TMEM161B: variants seen among roughly 807,000 people sequenced by gnomAD.
TMEM161B encodes transmembrane protein 161B.
TMEM161B carries 34 observed loss-of-function variants against 61.8 expected under a neutral mutation model. That is an observed-to-expected ratio of 0.55 (90% CI 0.42 to 0.73). TMEM161B has a LOEUF of 0.73. Among genes scored for constraint, TMEM161B ranks in the 30% least tolerant of loss-of-function variants. TMEM161B has a pLI of 0.00. For missense variants in TMEM161B, 456 were observed against 558.5 expected, an observed-to-expected ratio of 0.82 and a Z score of 1.85; for synonymous variants, 167 against 192.8, an observed-to-expected ratio of 0.87 and a Z score of 1.11.
chr5:88,223,494 G>T (rs900725813), intron 4 of TMEM161B, among the ~76,000 whole-genome samples: 5 of 152,244 alleles, frequency 3.3e-5, no homozygotes, highest in African/African-American at 1.2e-4. Context: ...TGAAACAAAT[G>T]TGACAACTAC....
chr5:88,188,195 C>A (rs1192765702), downstream of TMEM161B, among the ~76,000 whole-genome samples: 1 of 151,976 alleles, frequency 6.6e-6, no homozygotes, highest in Non-Finnish European at 1.5e-5. Flanking sequence ...ACCTCCGCCT[C>A]CCAGGTTCAA....
At chr5:88,249,081 T>C (rs1753997753) in intron 1 of TMEM161B, among the ~76,000 whole-genome samples, 1 of 152,120 alleles carries the variant, frequency 6.6e-6, no homozygotes, top group Non-Finnish European at 1.5e-5. Flanking sequence ...AACTCACATT[T>C]AGGTCTGGCC....
At chr5:88,209,589 C>T (rs1241823377) in intron 5 of TMEM161B, among the ~76,000 whole-genome samples, 2 of 152,188 alleles carry the variant, frequency 1.3e-5, no homozygotes, top group African/African-American at 2.4e-5. Context: ...TAATACTTTA[C>T]AGTCCCACAC....
chr5:88,241,494 T>C (rs899818938), intron 1 of TMEM161B, among the ~76,000 whole-genome samples: 1 of 151,890 alleles, frequency 6.6e-6, no homozygotes, highest in African/African-American at 2.4e-5. Flanking sequence ...GATTTCTTCA[T>C]CCTTCTCCAA....
At chr5:88,261,420 A>G (rs1755668588) in intron 1 of TMEM161B, among the ~76,000 whole-genome samples, 1 of 152,084 alleles carries the variant, frequency 6.6e-6, no homozygotes, top group African/African-American at 2.4e-5. Flanking sequence ...AAAGAAAAGA[A>G]AAGAAAGAAA....
intron 7 of TMEM161B, 50 bp from the exon 8 acceptor site, chr5:88,206,004 T>C (rs1261381949): frequency 7.3e-7 from 1 of 1,363,632 alleles, no homozygotes; most frequent in Non-Finnish European, 1.0e-6. Context: ...AATTAGCTTT[T>C]GAAGAATTTC....
chr5:88,220,653 A>G lies in TMEM161B; in HGVS notation c.356T>C (p.Leu119Pro), dbSNP rs1037271044. The change falls in exon 5 of 12, where the codon CTA becomes CCA. Residue 119 changes from leucine (L) to proline (P), a missense_variant. By Grantham distance (98) the Leu-to-Pro change is moderately conservative. Transcript: ENST00000296595. ...AAAATTGTAGTAGACTTCAGTTACT[A>G]GATACACAACTGTAGCAGCCACTGT... ...DFTVAATVVY[L>P]VTEVYYNFMK... The G allele has an allele frequency of 1.3e-6, 2 of 1,578,148 alleles. No individual in the cohort carries two copies. The highest frequency in any genetic ancestry group is 1.4e-5 in the African/African-American group (1 of 72,874).
intron 8 of TMEM161B, among the ~76,000 whole-genome samples, chr5:88,204,154 T>C (rs1744997468): frequency 6.6e-6 from 1 of 151,924 alleles, no homozygotes. Context: ...GAACTCCCGC[T>C]CTAACCTCTG....
downstream of TMEM161B, among the ~76,000 whole-genome samples, chr5:88,188,194 TC>T (rs1408443131): frequency 6.6e-6 from 1 of 152,076 alleles, no homozygotes; most frequent in Non-Finnish European, 1.5e-5. Flanking sequence ...AACCTCCGCC[TC>T]CCAGGTTCAA....
intron 10 of TMEM161B, chr5:88,198,749 C>T: frequency 2.3e-6 from 1 of 443,880 alleles, no homozygotes; most frequent in East Asian, 3.7e-5. Context: ...TTTGTACCAC[C>T]CACTGTATGA....
At chr5:88,209,786 C>T (rs1242085240) in intron 5 of TMEM161B, among the ~76,000 whole-genome samples, 3 of 152,204 alleles carry the variant, frequency 2.0e-5, no homozygotes, top group Non-Finnish European at 2.9e-5. Context: ...CAAATCTCCA[C>T]CTCAATCAGA....
chr5:88,234,263 T>C (rs1177888567), intron 2 of TMEM161B, among the ~76,000 whole-genome samples: 1 of 152,158 alleles, frequency 6.6e-6, no homozygotes, highest in East Asian at 1.9e-4. Context: ...TGTGGTTTGG[T>C]AGTATACAGA....
chr5:88,204,971 A>C (rs1010534041), intron 8 of TMEM161B, among the ~76,000 whole-genome samples: 1 of 150,272 alleles, frequency 6.7e-6, no homozygotes, highest in Non-Finnish European at 1.5e-5. Flanking sequence ...AATGTTAGGA[A>C]ATAAGATTAC....
chr5:88,206,297 A>T lies in TMEM161B; in HGVS notation c.659+142T>A, dbSNP rs1027487178. The T allele has an allele frequency of 1.4e-5, 10 of 698,710 alleles. No homozygotes were observed. The African/African-American group carries it at 1.8e-4, about 13-fold the overall frequency. The allele number at this position is 698,710 out of a possible 1,614,324, so 43.3% of individuals were successfully genotyped here. On this transcript the variant is annotated intron_variant, in intron 7 of 11. Coordinates refer to ENST00000296595, the MANE Select transcript of TMEM161B (RefSeq NM_153354.5). ...ACACTAACTTTATATAGTCATAAAA[A>T]TTATGAGTAAGGATGTTTCTAGAAG... is the stretch of plus-strand genomic sequence containing the variant.
At chr5:88,189,228 T>A (rs946894899), downstream of TMEM161B, among the ~76,000 whole-genome samples, 2 of 152,100 alleles carry the variant, frequency 1.3e-5, no homozygotes, top group African/African-American at 4.8e-5. Flanking sequence ...TTTTTTTTTT[T>A]AACCCTACCT....
downstream of TMEM161B, among the ~76,000 whole-genome samples, chr5:88,191,754 G>A (rs1448980307): frequency 4.0e-5 from 6 of 151,340 alleles, no homozygotes; most frequent in South Asian, 2.1e-4. Flanking sequence ...TCAGGAGATC[G>A]AGACCATCCT....
chr5:88,207,053 A>G lies in TMEM161B; in HGVS notation c.574T>C (p.Tyr192His), dbSNP rs1423311456. 6.2e-7 allele frequency: 1 copy of G among 1,612,114 alleles called. No homozygotes were observed. Among genetic ancestry groups the G allele is most frequent in the Non-Finnish European group, 8.5e-7 (1 of 1,179,448 alleles). The change falls in exon 6 of 12, where the codon TAT (tyrosine) becomes CAT (histidine). Residue 192 changes from tyrosine (Y) to histidine (H), a missense_variant. Tyr to His is a moderately conservative substitution (Grantham distance 83). This residue lies in a region of TMEM161B where 367 missense variants were observed against 427.3 expected (regional missense o/e 0.86). Transcript: ENST00000296595. Reference sequence around the variant, plus strand: ...CCTGTTTCAAGTCCAAATTCCAGATAATTTTCTGTTACAATCAACACTGCC... The same window carrying G: ...CCTGTTTCAAGTCCAAATTCCAGATGATTTTCTGTTACAATCAACACTGCC... ...AMAVLIVTEN[Y>H]LEFGLETGFT... is the part of the protein sequence containing the mutation.
chr5:88,225,878 A>G lies in TMEM161B; in HGVS notation c.192-12T>C. 1 of 1,565,594 alleles carries G rather than the reference A, an allele frequency of 6.4e-7. No homozygotes were observed. The highest frequency in any genetic ancestry group is 1.2e-5 in the South Asian group (1 of 86,740). On this transcript the variant is annotated splice_polypyrimidine_tract_variant and intron_variant, in intron 3 of 11. Coordinates refer to ENST00000296595, the MANE Select transcript of TMEM161B (RefSeq NM_153354.5). The stretch of plus-strand genomic sequence containing the variant: ...GACCATTATATTTCCTATAAAAATC[A>G]GACAAGTGACACAAAAAACAAGTTA...
chr5:88,205,602 T>C (rs1745303331), intron 8 of TMEM161B, among the ~76,000 whole-genome samples: 2 of 152,094 alleles, frequency 1.3e-5, no homozygotes, highest in Admixed American at 6.5e-5. Flanking sequence ...AAGACAAATT[T>C]AGTAATCGAT....
Sources: allele counts gnomAD v4.1 joint callset (sites outside exome capture counted in the v4.1 genomes callset), GRCh38; gene constraint gnomAD v4.1.1; regional missense constraint gnomAD v4.1.1; transcripts MANE v1.5; gene names NCBI Gene and HGNC (gene_info 2026-07-23, HGNC 2026-07-21).